The following EPB41L5 variants were observed in gnomAD, a reference collection of about 807,000 sequenced individuals.
EPB41L5 encodes erythrocyte membrane protein band 4.1 like 5, also known as band 4.1-like protein 5.
EPB41L5 carries 55 observed loss-of-function variants against 106.6 expected under a neutral mutation model. The observed-to-expected ratio is 0.52, with a 90% CI of 0.42 to 0.65. EPB41L5 has a LOEUF of 0.65. Among genes scored for constraint, EPB41L5 ranks in the 30% least tolerant of loss-of-function variants. The pLI, the probability that EPB41L5 is intolerant of heterozygous loss-of-function variation, is 0.00. For missense variants in EPB41L5, 871 were observed against 882.1 expected (o/e 0.99, Z 0.16); for synonymous variants, 297 against 306.7 (o/e 0.97, Z 0.33).
At chr2:120,044,141 TA>T (rs201677401) in intron 3 of EPB41L5, among the ~76,000 whole-genome samples, 787 of 130,856 alleles carry the variant, frequency 6.0e-3, no homozygotes, top group Middle Eastern at 7.8e-3. Context: ...CCCTGTCTCT[TA>T]AAAAAAAAAA....
intron 3 of EPB41L5, among the ~76,000 whole-genome samples, chr2:120,068,346 T>C (rs977492098): frequency 6.6e-6 from 1 of 152,250 alleles, no homozygotes. Flanking sequence ...AGCACAAAAC[T>C]GGGTGGCCGT....
At position 120,177,264 on chromosome 2, in the gene EPB41L5, A is replaced by C. The variant is rs113822748; in HGVS notation, c.*2357A>C. 2 of 152,506 alleles carry C rather than the reference A, an allele frequency of 1.3e-5. No individual in the cohort carries two copies. The highest frequency in any genetic ancestry group is 4.8e-5 in the African/African-American group (2 of 41,504). 9.4% of individuals were successfully genotyped at this position (152,506 alleles called of 1,614,324 possible). On this transcript the variant is annotated 3_prime_UTR_variant, in exon 25 of 25. Coordinates refer to ENST00000263713, the MANE Select transcript of EPB41L5 (RefSeq NM_020909.4). ...AGAAGAGAGAGGCATGTGTGCCGGC[A>C]TCCTTGATGGGTTCAAAGAGAAAGG...
At position 120,130,856 on chromosome 2, in the gene EPB41L5, T is replaced by C. The variant is rs563019526; in HGVS notation, c.1502-762T>C. 9.2e-5 allele frequency among the ~76,000 whole-genome samples: 14 copies of C among 152,318 alleles called. No individual in the cohort carries two copies. The East Asian group carries it at 2.5e-3, about 27-fold the overall frequency. ...TGACCCAGAGGATATGATTTCAAAG[T>C]TTCCCCCTCTTTTCTTCTTTCTGAT... On this transcript the variant is annotated intron_variant, in intron 17 of 24. Transcript: ENST00000263713.
At chr2:120,050,266 C>G (rs1230910160) in intron 3 of EPB41L5, among the ~76,000 whole-genome samples, 1 of 152,164 alleles carries the variant, frequency 6.6e-6, no homozygotes, top group East Asian at 1.9e-4. Context: ...TGTTTTCCAG[C>G]TTGGTTCCAT....
rs1414516785 is a variant in EPB41L5 at position 120,146,246 on chromosome 2, T to C, written c.1750T>C (p.Leu584=). The change falls in exon 20 of 25, where the codon TTA becomes CTA. Residue 584 remains leucine, a synonymous_variant. Transcript: ENST00000263713. The part of the protein sequence containing the change: ...VHKVTKEDSL[L]SHKNANVQDA... ...TTAGGTTACAAAAGAAGATAGCTTA[T>C]TAAGTCATAAAAATGCCAATGTTCA... 6.2e-7 allele frequency: 1 copy of C among 1,607,908 alleles called. No homozygotes were observed. The highest frequency in any genetic ancestry group is 1.3e-5 in the African/African-American group (1 of 74,814).
intron 3 of EPB41L5, among the ~76,000 whole-genome samples, chr2:120,071,589 C>G (rs1009208186): frequency 7.2e-5 from 11 of 152,098 alleles, no homozygotes; most frequent in Non-Finnish European, 1.3e-4. Context: ...ATATATAGAC[C>G]TATGGAACAG....
chr2:120,032,330 A>G (rs1355458475), intron 2 of EPB41L5, among the ~76,000 whole-genome samples: 6 of 152,222 alleles, frequency 3.9e-5, no homozygotes, highest in Non-Finnish European at 8.8e-5. Context: ...GTGAGCCGAG[A>G]TCATGCTACT....
chr2:120,039,293 G>T (rs528541123), intron 2 of EPB41L5, among the ~76,000 whole-genome samples: 1 of 152,226 alleles, frequency 6.6e-6, no homozygotes, highest in African/African-American at 2.4e-5. Context: ...GCAAGTGGGG[G>T]ATGATTTTTT....
intron 3 of EPB41L5, among the ~76,000 whole-genome samples, chr2:120,072,400 T>C (rs1681931452): frequency 6.6e-6 from 1 of 152,174 alleles, no homozygotes; most frequent in Non-Finnish European, 1.5e-5. Flanking sequence ...GAACCAGAAA[T>C]ATCATTTGAC....
chr2:120,098,848 T>G (rs894551914), intron 14 of EPB41L5, among the ~76,000 whole-genome samples: 2 of 152,266 alleles, frequency 1.3e-5, no homozygotes, highest in African/African-American at 4.8e-5. Context: ...GCTCTCACCT[T>G]GTTAGAAAGG....
At position 120,036,778 on chromosome 2, in the gene EPB41L5, G is replaced by A. The variant is rs961732396; in HGVS notation, c.181-5228G>A. ...TGGGATGAAATTAGGATCAGTTAAG[G>A]TGAAGGAGAAATTAGTGAGTTGGAA... On this transcript the variant is annotated intron_variant, in intron 2 of 24. Coordinates refer to ENST00000263713, the MANE Select transcript of EPB41L5 (RefSeq NM_020909.4). 7.2e-5 allele frequency among the ~76,000 whole-genome samples: 11 copies of A among 152,256 alleles called. No individual in the cohort carries two copies. In the East Asian group the frequency reaches 2.1e-3, roughly 29 times the overall value.
In EPB41L5 at chr2:120,065,626, C is replaced by G. The variant is rs1003066109; in HGVS notation, c.286-7552C>G. On this transcript the variant is annotated intron_variant, in intron 3 of 24. Coordinates refer to ENST00000263713, the MANE Select transcript of EPB41L5 (RefSeq NM_020909.4). ...CTGCCTCCTGGGTTCAAGCGACTCT[C>G]ATGCCTCAGCCTCCCGAGTAGCTGG... Among the ~76,000 whole-genome samples the G allele has an allele frequency of 3.3e-5, 5 of 151,258 alleles. No individual in the cohort carries two copies. In the East Asian group the frequency reaches 9.8e-4, roughly 30 times the overall value.
At chr2:120,122,106 G>T (rs928278117) in intron 16 of EPB41L5, among the ~76,000 whole-genome samples, 3 of 152,080 alleles carry the variant, frequency 2.0e-5, no homozygotes, top group African/African-American at 7.2e-5. Context: ...TTGCAAAAAT[G>T]TTCTCCCATT....
chr2:120,015,902 GTC>G (rs869112631), intron 1 of EPB41L5, among the ~76,000 whole-genome samples: 1 of 127,836 alleles, frequency 7.8e-6, no homozygotes, highest in Non-Finnish European at 1.6e-5. Context: ...GAGTGAGACT[GTC>G]TCTAAAAAAA....
intron 21 of EPB41L5, 72 bp from the exon 22 acceptor site, chr2:120,164,764 A>G: frequency 1.0e-6 from 1 of 992,684 alleles, no homozygotes; most frequent in Non-Finnish European, 1.6e-6. Flanking sequence ...ATAAATTGAG[A>G]GGATATGGAA....
intron 3 of EPB41L5, among the ~76,000 whole-genome samples, chr2:120,060,080 A>G (rs1680931839): frequency 6.6e-6 from 1 of 152,240 alleles, no homozygotes; most frequent in Admixed American, 6.5e-5. Context: ...CACATCTATC[A>G]AAACAGCTAA....
Position 120,161,067 on chromosome 2 carries a change from G to A in EPB41L5, c.1887+93G>A. The A allele has an allele frequency of 3.5e-6, 3 of 858,908 alleles. No individual in the cohort carries two copies. The South Asian group carries it at 4.2e-5, about 12-fold the overall frequency. The allele number at this position is 858,908 out of a possible 1,614,324, so 53.2% of individuals were successfully genotyped here. On this transcript the variant is annotated intron_variant, in intron 21 of 24. Transcript: ENST00000263713. ...CAAGGGCATCTAGTGATTACTGAGT[G>A]ACACTGGGACTTAAGATGTGAGAAG...
intron 12 of EPB41L5, among the ~76,000 whole-genome samples, chr2:120,090,780 A>G (rs1043559349): frequency 1.3e-5 from 2 of 152,182 alleles, no homozygotes; most frequent in African/African-American, 4.8e-5. Flanking sequence ...CTCCCAGTTT[A>G]TCTATTTAAC....
At chr2:120,159,065 C>G (rs1209233214) in intron 20 of EPB41L5, among the ~76,000 whole-genome samples, 2 of 152,010 alleles carry the variant, frequency 1.3e-5, no homozygotes, top group Non-Finnish European at 2.9e-5. Flanking sequence ...AGGATAACTA[C>G]AAAACACTGC....
Sources: allele counts gnomAD v4.1 joint callset (sites outside exome capture counted in the v4.1 genomes callset), GRCh38; gene constraint gnomAD v4.1.1; transcripts MANE v1.5; gene names NCBI Gene and HGNC (gene_info 2026-07-23, HGNC 2026-07-21).